PIK3R3: variants seen among roughly 807,000 people sequenced by gnomAD.
PIK3R3 encodes the protein phosphatidylinositol 3-kinase regulatory subunit gamma.
Under a neutral mutation model 62.9 loss-of-function variants are expected in PIK3R3, and 64 were observed. The ratio of observed to expected loss-of-function variants is 1.02; its 90% CI spans 0.83 to 1.25. The LOEUF (loss-of-function observed/expected upper bound fraction) is 1.25. PIK3R3 is among the 50% of genes most tolerant of loss of function. The pLI, the probability that PIK3R3 is intolerant of heterozygous loss-of-function variation, is 0.00. For synonymous variants in PIK3R3, 165 were observed against 189.0 expected, an observed-to-expected ratio of 0.87 and a Z score of 1.04; for missense variants, 614 against 561.6, an observed-to-expected ratio of 1.09 and a Z score of -0.94.
At chr1:46,118,740 G>C (rs1571549042) in intron 1 of PIK3R3, among the ~76,000 whole-genome samples, 1 of 151,852 alleles carries the variant, frequency 6.6e-6, no homozygotes, top group African/African-American at 2.4e-5. Flanking sequence ...ATTATTAGTA[G>C]AGACAGGGTT....
chr1:46,127,999 T>G (rs944347774), intron 1 of PIK3R3, among the ~76,000 whole-genome samples: 1 of 152,230 alleles, frequency 6.6e-6, no homozygotes, highest in Non-Finnish European at 1.5e-5. Flanking sequence ...CACCAATCCA[T>G]GCAGTTATTA....
At chr1:46,069,520 A>C (rs1649304429) in intron 3 of PIK3R3, among the ~76,000 whole-genome samples, 2 of 147,596 alleles carry the variant, frequency 1.4e-5, no homozygotes, top group African/African-American at 2.5e-5. Flanking sequence ...TGCCATCTCA[A>C]AAAAAAAAAA....
At chr1:46,087,592 C>CTT (rs35296719) in intron 1 of PIK3R3, among the ~76,000 whole-genome samples, 18,103 of 100,124 alleles carry the variant, frequency 0.18, 1,886 homozygotes, top group Non-Finnish European at 0.24. Context: ...ACATATTCAT[C>CTT]TTTTTTTTTT....
Position 46,067,075 on chromosome 1 carries a change from T to G in PIK3R3, c.331A>C (p.Lys111Gln). The G allele has an allele frequency of 6.4e-7, 1 of 1,572,048 alleles. No homozygotes were observed. The highest frequency in any genetic ancestry group is 8.6e-7 in the Non-Finnish European group (1 of 1,161,354). The stretch of plus-strand genomic sequence containing the variant: ...TCCCGGTGATAGATCTTTATTAACT[T>G]ATTATTGCCTCCCTTCCTGTGAACA... ...TLTLRKGGNN[K>Q]LIKIYHRDGK... Residue 111 changes from lysine to glutamine, a missense_variant, in exon 4 of 10, where the codon AAG becomes CAG. Lys to Gln is a moderately conservative substitution (Grantham distance 53, BLOSUM62 1). Coordinates refer to ENST00000262741, the MANE Select transcript of PIK3R3 (RefSeq NM_003629.4).
the PIK3R3 span, among the ~76,000 whole-genome samples, chr1:46,143,291 A>G: frequency 9.2e-5 from 14 of 152,254 alleles, no homozygotes; most frequent in East Asian, 3.9e-4. Context: ...TGGTCAGTCA[A>G]TTGCTCCATT....
intron 1 of PIK3R3, among the ~76,000 whole-genome samples, chr1:46,101,301 C>A (rs926143909): frequency 6.6e-6 from 1 of 152,158 alleles, no homozygotes; most frequent in Non-Finnish European, 1.5e-5. Context: ...GGAGACCATC[C>A]TCACCAACAT....
chr1:46,076,814 G>A (rs1650107624), intron 3 of PIK3R3, among the ~76,000 whole-genome samples: 1 of 152,100 alleles, frequency 6.6e-6, no homozygotes, highest in Admixed American at 6.5e-5. Flanking sequence ...TCATAAGGTT[G>A]TTGTGAAGAA....
chr1:46,130,094 A>G (rs1259070894), intron 1 of PIK3R3, among the ~76,000 whole-genome samples: 1 of 152,204 alleles, frequency 6.6e-6, no homozygotes, highest in Admixed American at 6.5e-5. Flanking sequence ...TACTAGGCTA[A>G]TATATTTCAA....
At chr1:46,045,878 C>G (rs759636933) in intron 9 of PIK3R3, 40 bp downstream of exon 9, 1 of 1,542,158 alleles carries the variant, frequency 6.5e-7, no homozygotes, top group South Asian at 1.1e-5. Context: ...ATAATTGATG[C>G]AAAAGATTTC....
rs183110727 is a variant in PIK3R3 at position 46,104,096 on chromosome 1, T to C, written c.107-23346A>G. Among the ~76,000 whole-genome samples, 5 of 152,118 alleles carry C rather than the reference T, an allele frequency of 3.3e-5. No individual in the cohort carries two copies. The East Asian group carries it at 7.7e-4, about 24-fold the overall frequency. On this transcript the variant is annotated intron_variant, in intron 1 of 9. Transcript: ENST00000262741. ...TGCACCACCATGCCTGGCTAGTTTT[T>C]TTTGTATTTTTAGTAGAGGCAGAGT...
At position 46,074,301 on chromosome 1, in the gene PIK3R3, A is replaced by C. The variant is rs923716185; in HGVS notation, c.314+3214T>G. Among the ~76,000 whole-genome samples the C allele has an allele frequency of 4.9e-5, 7 of 144,228 alleles. No homozygotes were observed. The East Asian group carries it at 6.1e-4, about 13-fold the overall frequency. The allele number at this position is 144,228 out of a possible 152,430, so 94.6% of individuals were successfully genotyped here. On this transcript the variant is annotated intron_variant, in intron 3 of 9. Transcript: ENST00000262741. ...TAGACTCCGTCAAAAAAAAAAAAAA[A>C]AAAAAAAAAAAAAAAACCAATAAAT...
upstream of PIK3R3, among the ~76,000 whole-genome samples, chr1:46,135,336 C>T (rs749180479): frequency 2.0e-5 from 3 of 152,094 alleles, no homozygotes; most frequent in Non-Finnish European, 4.4e-5. Flanking sequence ...TTTGCCCTCT[C>T]CCTTTCTTTT....
upstream of PIK3R3, among the ~76,000 whole-genome samples, chr1:46,135,254 T>C (rs1409072038): frequency 2.0e-5 from 3 of 152,180 alleles, no homozygotes. Flanking sequence ...GACCTGGGTG[T>C]GGATTAAATT....
intron 7 of PIK3R3, among the ~76,000 whole-genome samples, chr1:46,047,787 T>C (rs1647156773): frequency 6.6e-6 from 1 of 152,088 alleles, no homozygotes. Context: ...GTTGGTTGGT[T>C]GGGGTTTTTT....
chr1:46,073,858 A>G (rs1571416191), intron 3 of PIK3R3, among the ~76,000 whole-genome samples: 1 of 144,760 alleles, frequency 6.9e-6, no homozygotes, highest in Non-Finnish European at 1.5e-5. Flanking sequence ...CTAGTCTCTA[A>G]CTCCTGATCT....
intron 1 of PIK3R3, among the ~76,000 whole-genome samples, chr1:46,117,668 G>C (rs1415693998): frequency 2.0e-5 from 3 of 152,112 alleles, no homozygotes. Context: ...GATTGCTTGA[G>C]CCTAGGAGGT....
the PIK3R3 span, among the ~76,000 whole-genome samples, chr1:46,145,741 C>G: frequency 6.6e-6 from 1 of 152,172 alleles, no homozygotes; most frequent in Non-Finnish European, 1.5e-5. Flanking sequence ...AAACCACATA[C>G]AAACCATAGC....
rs531732126 is a variant in PIK3R3, at chr1:46,105,719, G to A, written c.107-24969C>T. On this transcript the variant is annotated intron_variant, in intron 1 of 9. Coordinates refer to ENST00000262741, the MANE Select transcript of PIK3R3 (RefSeq NM_003629.4). ...ACCTACAATCCCAGCTACTCAGAAG[G>A]CTGAGGCATGAGAATCGCTTGAACC... Among the ~76,000 whole-genome samples the A allele has an allele frequency of 1.3e-4, 20 of 151,424 alleles. 1 individual carries two copies. In the South Asian group the frequency reaches 4.2e-3, roughly 32 times the overall value.
chr1:46,046,783 C>T, intron 7 of PIK3R3, 158 bp from the exon 8 acceptor site: 1 of 587,412 alleles, frequency 1.7e-6, no homozygotes. Flanking sequence ...CTCTCGATTA[C>T]TTTTCTTTCA....
Sources: allele counts gnomAD v4.1 joint callset (sites outside exome capture counted in the v4.1 genomes callset), GRCh38; gene constraint gnomAD v4.1.1; transcripts MANE v1.5; gene names NCBI Gene and HGNC (gene_info 2026-07-23, HGNC 2026-07-21).